Variants in EFCAB13 observed in about 807,000 individuals in gnomAD.
EFCAB13 encodes EF-hand calcium-binding domain-containing protein 13.
EFCAB13 carries 91 observed loss-of-function variants against 110.2 expected under a neutral mutation model. The ratio of observed to expected loss-of-function variants is 0.83; its 90% confidence interval spans 0.70 to 0.98. The LOEUF is 0.98. Among genes scored for constraint, EFCAB13 ranks in the 50% least tolerant of loss-of-function variants. The probability of loss-of-function intolerance (pLI) is 0.00; values close to 1 mark genes in which losing one functional copy is unlikely to be tolerated. For synonymous variants in EFCAB13, 323 were observed against 369.9 expected (o/e 0.87, Z 1.45); for missense variants, 968 against 1,119.4 (o/e 0.86, Z 1.93).
In EFCAB13 at chr17:47,414,841, C is replaced by T; in HGVS notation, c.2423-7C>T. ...TAATGTCAGCATTTTTTACTTTGAC[C>T]TTCCAGATAATATGGAGGTGGATTT... is the stretch of plus-strand genomic sequence containing the variant. On this transcript the variant is annotated splice_polypyrimidine_tract_variant and splice_region_variant and intron_variant, in intron 22 of 24. Transcript: ENST00000331493. The T allele has an allele frequency of 6.3e-7, 1 of 1,585,470 alleles. No homozygotes were observed. The highest frequency in any genetic ancestry group is 8.6e-7 in the Non-Finnish European group (1 of 1,160,884).
chr17:47,408,844 T>C (rs1260075775), intron 20 of EFCAB13, among the ~76,000 whole-genome samples: 4 of 151,982 alleles, frequency 2.6e-5, no homozygotes, highest in African/African-American at 9.7e-5. Flanking sequence ...ATAATACCCT[T>C]GCCCCCCCCA....
intron 17 of EFCAB13, among the ~76,000 whole-genome samples, chr17:47,397,562 G>A (rs922398251): frequency 4.0e-5 from 6 of 151,072 alleles, no homozygotes; most frequent in African/African-American, 1.5e-4. Context: ...CATCTAGGAA[G>A]TGAGGAGCGC....
At chr17:47,325,030 C>CCCCCTTTTTTTTTTTTT (rs1187065378) in intron 2 of EFCAB13, among the ~76,000 whole-genome samples, 2 of 116,716 alleles carry the variant, frequency 1.7e-5, no homozygotes, top group Non-Finnish European at 3.7e-5. Context: ...CCCCACCCCC[C>CCCCCTTTTTTTTTTTTT]TTTTTTTTTT....
At chr17:47,386,578 A>AG (rs1371046581) in intron 14 of EFCAB13, among the ~76,000 whole-genome samples, 1 of 152,000 alleles carries the variant, frequency 6.6e-6, no homozygotes, top group Non-Finnish European at 1.5e-5. Flanking sequence ...GCTCCATGGG[A>AG]GTGGGTCCCG....
intron 14 of EFCAB13, among the ~76,000 whole-genome samples, chr17:47,380,882 T>TC (rs1426829770): frequency 7.0e-6 from 1 of 142,906 alleles, no homozygotes; most frequent in Non-Finnish European, 1.5e-5. Flanking sequence ...TGCTTCTTCT[T>TC]TTTTTTTTTT....
At chr17:47,421,454 C>A (rs1782022277) in intron 23 of EFCAB13, among the ~76,000 whole-genome samples, 1 of 151,678 alleles carries the variant, frequency 6.6e-6, no homozygotes, top group African/African-American at 2.4e-5. Flanking sequence ...GTCATCACCA[C>A]TCCCTAATCT....
At position 47,416,247 on chromosome 17, in the gene EFCAB13, C is replaced by T. The variant is rs571570007; in HGVS notation, c.2494+1328C>T. Reference sequence around the variant, plus strand: ...TAATTCCAAAACATTTTCATGACTCCGAAAGAAACTCTGTACCTGTTAGCA... The same window carrying T: ...TAATTCCAAAACATTTTCATGACTCTGAAAGAAACTCTGTACCTGTTAGCA... On this transcript the variant is annotated intron_variant, in intron 23 of 24. Coordinates refer to ENST00000331493, the MANE Select transcript of EFCAB13 (RefSeq NM_152347.5). 6.6e-5 allele frequency among the ~76,000 whole-genome samples: 10 copies of T among 152,092 alleles called. No individual in the cohort carries two copies. In the East Asian group the frequency reaches 7.7e-4, roughly 12 times the overall value.
At chr17:47,383,230 G>T (rs1169336058) in intron 14 of EFCAB13, among the ~76,000 whole-genome samples, 1 of 152,058 alleles carries the variant, frequency 6.6e-6, no homozygotes, top group Non-Finnish European at 1.5e-5. Context: ...CAAAAAACCA[G>T]CTTCCAGATT....
At chr17:47,382,987 C>T (rs969260271) in intron 14 of EFCAB13, among the ~76,000 whole-genome samples, 106 of 152,186 alleles carry the variant, frequency 7.0e-4, no homozygotes, top group African/African-American at 2.1e-3. Flanking sequence ...TTCAGGGATT[C>T]GACTTCTTCC....
In EFCAB13 at chr17:47,352,022, C is replaced by T. The variant is rs562326830; in HGVS notation, c.661+4071C>T. Among the ~76,000 whole-genome samples the T allele has an allele frequency of 2.0e-5, 3 of 151,812 alleles. No individual in the cohort carries two copies. In the East Asian group the frequency reaches 5.8e-4, roughly 29 times the overall value. On this transcript the variant is annotated intron_variant, in intron 9 of 24. Coordinates refer to ENST00000331493, the MANE Select transcript of EFCAB13 (RefSeq NM_152347.5). Reference sequence around the variant, plus strand: ...GTTCACACCATTCTCCTGCCTCAGCCTCCCATGTAGCTGGGACTACAGGTG... The same window carrying T: ...GTTCACACCATTCTCCTGCCTCAGCTTCCCATGTAGCTGGGACTACAGGTG...
chr17:47,435,016 A>C (rs957055804), intron 24 of EFCAB13, among the ~76,000 whole-genome samples: 3 of 152,202 alleles, frequency 2.0e-5, no homozygotes, highest in African/African-American at 7.2e-5. Context: ...AAGCAAATGC[A>C]ACCAAAACAA....
chr17:47,388,842 G>A (rs2065690589), intron 14 of EFCAB13, among the ~76,000 whole-genome samples: 1 of 151,970 alleles, frequency 6.6e-6, no homozygotes, highest in South Asian at 2.1e-4. Context: ...GTTTTCCAAA[G>A]TGTTTATAAC....
intron 2 of EFCAB13, among the ~76,000 whole-genome samples, chr17:47,325,906 TATATATATATAAACAAA>T (rs1481393269): frequency 1.5e-5 from 2 of 130,368 alleles, no homozygotes; most frequent in East Asian, 4.5e-4. Flanking sequence ...GGGCAGATTT[TATATATATATAAACAAA>T]ATATATATAT....
intron 24 of EFCAB13, 63 bp downstream of exon 24, chr17:47,430,024 A>G: frequency 2.0e-6 from 3 of 1,491,800 alleles, no homozygotes; most frequent in South Asian, 1.4e-5. Context: ...TGGAAGGTCT[A>G]TGGGTAGGAC....
chr17:47,393,937 C>G, intron 15 of EFCAB13, 88 bp from the exon 16 acceptor site: 1 of 635,086 alleles, frequency 1.6e-6, no homozygotes, highest in Non-Finnish European at 2.6e-6. Flanking sequence ...TTATATATTT[C>G]TGAATATATA....
intron 22 of EFCAB13, among the ~76,000 whole-genome samples, chr17:47,413,373 T>G (rs1214860964): frequency 1.3e-5 from 2 of 152,238 alleles, no homozygotes; most frequent in East Asian, 3.8e-4. Flanking sequence ...TTACCTTTGT[T>G]TTCTGTCTTT....
chr17:47,421,863 T>C (rs895621165), intron 23 of EFCAB13, among the ~76,000 whole-genome samples: 9 of 152,214 alleles, frequency 5.9e-5, no homozygotes, highest in African/African-American at 1.9e-4. Context: ...GACGGCTTCA[T>C]TGGTAAGTTA....
chr17:47,436,319 T>C (rs1377432636), intron 24 of EFCAB13, among the ~76,000 whole-genome samples: 1 of 152,156 alleles, frequency 6.6e-6, no homozygotes, highest in East Asian at 1.9e-4. Context: ...CTTCTTTCTC[T>C]GTCTTGTGGA....
intron 9 of EFCAB13, among the ~76,000 whole-genome samples, chr17:47,352,668 T>G (rs1233539749): frequency 6.6e-6 from 1 of 152,214 alleles, no homozygotes; most frequent in African/African-American, 2.4e-5. Flanking sequence ...TGTAGATTGC[T>G]TTGGGCAGTA....
Sources: gnomAD v4.1 joint callset for allele counts (sites outside exome capture counted in the v4.1 genomes callset) on GRCh38, gnomAD v4.1.1 for gene constraint, MANE v1.5 for transcripts, NCBI Gene and HGNC (gene_info 2026-07-23, HGNC 2026-07-21) for gene names.